Variants in SLC11A2 observed in about 807,000 individuals in gnomAD.
SLC11A2 encodes solute carrier family 11 member 2.
A neutral mutation model predicts 68.0 loss-of-function variants in SLC11A2; 38 were observed. That is an observed-to-expected ratio of 0.56 (90% CI 0.43 to 0.73). SLC11A2 has a LOEUF of 0.73. Among genes scored for constraint, SLC11A2 ranks in the 30% least tolerant of loss-of-function variants. The pLI is 0.00. For synonymous variants in SLC11A2, 242 were observed against 250.6 expected (o/e 0.97, Z 0.32); for missense variants, 517 against 690.5 (o/e 0.75, Z 2.82).
At position 50,986,015 on chromosome 12, in the gene SLC11A2, A is replaced by T; in HGVS notation, c.*2310T>A. ...AATTGGAAAAAGAAATTTTTTTTTA[A>T]TTAGAAACCAAGTTTACATACGGTT... is the stretch of plus-strand genomic sequence containing the variant. On this transcript the variant is annotated 3_prime_UTR_variant, in exon 16 of 16. Coordinates refer to ENST00000262052, the MANE Select transcript of SLC11A2 (RefSeq NM_000617.3). The T allele has an allele frequency of 2.6e-6, 3 of 1,159,432 alleles. No homozygotes were observed. Among genetic ancestry groups the T allele is most frequent in the Non-Finnish European group, 3.2e-6 (3 of 926,064 alleles). The allele number at this position is 1,159,432 out of a possible 1,614,324, so 71.8% of individuals were successfully genotyped here.
chr12:50,973,745 A>C, the SLC11A2 span, among the ~76,000 whole-genome samples: 12 of 152,248 alleles, frequency 7.9e-5, no homozygotes, highest in Admixed American at 6.5e-5. Context: ...CCTTGAAAAA[A>C]GATTAGACGA....
chr12:50,985,987 C>A, downstream of SLC11A2: 1 of 1,144,372 alleles, frequency 8.7e-7, no homozygotes, highest in Non-Finnish European at 1.1e-6. Context: ...ACCCAGGAAA[C>A]CAAATTGGAA....
chr12:51,028,664 G>T (rs1944472472), upstream of SLC11A2: 1 of 161,624 alleles, frequency 6.2e-6, no homozygotes, highest in African/African-American at 2.4e-5. Context: ...GAGACGTGAG[G>T]TGAAACCATT....
At chr12:50,993,728 T>C (rs796165753) in intron 11 of SLC11A2, among the ~76,000 whole-genome samples, 15 of 151,808 alleles carry the variant, frequency 9.9e-5, no homozygotes, top group African/African-American at 3.4e-4. Flanking sequence ...CTTGGGAGGC[T>C]GAGGCAGGAG....
Position 50,987,966 on chromosome 12 carries a change from A to G in SLC11A2, c.*359T>C. ...CTGTAGTTTGTATAATAAAAAATGT[A>G]TTGCATTTTCCAATTTTTTTTTAAC... On this transcript the variant is annotated 3_prime_UTR_variant, in exon 16 of 16. Transcript: ENST00000262052. 11 of 1,293,798 alleles carry G rather than the reference A, an allele frequency of 8.5e-6. No individual in the cohort carries two copies. Among genetic ancestry groups the G allele is most frequent in the Non-Finnish European group, 1.1e-5 (11 of 992,780 alleles). 80.1% of individuals were successfully genotyped at this position (1,293,798 alleles called of 1,614,324 possible).
Position 50,986,552 on chromosome 12 carries a change from C to T in SLC11A2, c.*1773G>A. ...AGACCCAGGGCAAAGATACATGTTA[C>T]CATATCATCTTTATAAAGAATTTTT... On this transcript the variant is annotated 3_prime_UTR_variant, in exon 16 of 16. Coordinates refer to ENST00000262052, the MANE Select transcript of SLC11A2 (RefSeq NM_000617.3). The T allele has an allele frequency of 7.8e-7, 1 of 1,286,996 alleles. No individual in the cohort carries two copies. Among genetic ancestry groups the T allele is most frequent in the South Asian group, 1.2e-5 (1 of 80,886 alleles). The allele number at this position is 1,286,996 out of a possible 1,614,324, so 79.7% of individuals were successfully genotyped here. A position where few individuals can be genotyped will look rare whatever the true frequency, so the allele number is the denominator to read the frequency against.
intron 1 of SLC11A2, among the ~76,000 whole-genome samples, chr12:51,022,438 CAAAAA>C (rs147670584): frequency 8.5e-6 from 1 of 118,270 alleles, no homozygotes. Context: ...TACTTTTTTC[CAAAAA>C]AAAAAAAAAA....
downstream of SLC11A2, chr12:50,981,822 A>G (rs1442355798): frequency 9.0e-6 from 13 of 1,451,380 alleles, no homozygotes; most frequent in African/African-American, 1.4e-5. Context: ...AAAAAGATGG[A>G]AGAGGGTTAG....
chr12:51,007,493 C>T (rs1330933723), intron 3 of SLC11A2, among the ~76,000 whole-genome samples: 2 of 151,972 alleles, frequency 1.3e-5, no homozygotes, highest in Non-Finnish European at 2.9e-5. Context: ...CACCACTACG[C>T]CCAGCTAACT....
chr12:51,000,731 T>G, intron 5 of SLC11A2: 1 of 586,314 alleles, frequency 1.7e-6, no homozygotes, highest in East Asian at 2.8e-5. Flanking sequence ...TCCACTTAAT[T>G]TCCTAAAAAC....
intron 1 of SLC11A2, among the ~76,000 whole-genome samples, chr12:51,019,950 A>G (rs1044305527): frequency 3.9e-5 from 6 of 152,082 alleles, no homozygotes; most frequent in African/African-American, 1.4e-4. Flanking sequence ...CAGCCCAATT[A>G]GTTCTAAAAC....
At chr12:50,954,180 T>A in the SLC11A2 span, 1 of 787,822 alleles carries the variant, frequency 1.3e-6, no homozygotes, top group Non-Finnish European at 2.1e-6. Flanking sequence ...ATGTTTCTTA[T>A]AATTGAATTT....
the SLC11A2 span, among the ~76,000 whole-genome samples, chr12:50,960,220 A>G: frequency 1.3e-5 from 2 of 152,106 alleles, no homozygotes; most frequent in African/African-American, 4.8e-5. Flanking sequence ...ATCTCTCACT[A>G]AAGTTTATTG....
At chr12:50,977,887 G>A (rs1367415244), downstream of SLC11A2, among the ~76,000 whole-genome samples, 2 of 152,262 alleles carry the variant, frequency 1.3e-5, no homozygotes, top group East Asian at 3.9e-4. Context: ...ACAGACACAT[G>A]AAAAAATGCT....
chr12:50,989,368 G>GT (rs1261734919), intron 15 of SLC11A2, among the ~76,000 whole-genome samples: 15 of 152,176 alleles, frequency 9.9e-5, no homozygotes, highest in African/African-American at 3.1e-4. Flanking sequence ...GCACATGGCT[G>GT]TAGTCCCAAC....
intron 1 of SLC11A2, among the ~76,000 whole-genome samples, chr12:51,023,452 T>C (rs111231132): frequency 0.019 from 2,837 of 152,076 alleles, 77 homozygotes; most frequent in African/African-American, 0.065. Flanking sequence ...GTCTCAAAAA[T>C]ATAAAAATAA....
Position 50,987,936 on chromosome 12 carries a change from T to A in SLC11A2, c.*389A>T. The A allele has an allele frequency of 1.6e-6, 2 of 1,280,630 alleles. No individual in the cohort carries two copies. Among genetic ancestry groups the A allele is most frequent in the Non-Finnish European group, 2.0e-6 (2 of 984,224 alleles). 79.3% of individuals were successfully genotyped at this position (1,280,630 alleles called of 1,614,324 possible). On this transcript the variant is annotated 3_prime_UTR_variant, in exon 16 of 16. Transcript: ENST00000262052. ...ATTTTGATAAATAAAACTTGCATAC[T>A]CATTCTGTAGTTTGTATAATAAAAA... is the stretch of plus-strand genomic sequence containing the variant.
upstream of SLC11A2, chr12:51,028,288 G>A (rs755902198): frequency 1.3e-5 from 17 of 1,314,342 alleles, no homozygotes; most frequent in Admixed American, 1.8e-4. Flanking sequence ...AGACAAGTGC[G>A]CCTCCCTCAG....
At chr12:50,994,447 G>C (rs1592334136) in intron 11 of SLC11A2, 97 bp downstream of exon 11, 1 of 796,686 alleles carries the variant, frequency 1.3e-6, no homozygotes, top group Non-Finnish European at 2.3e-6. Context: ...CTCCAGAGGA[G>C]ATATGCTCAT....
Sources: gnomAD v4.1 joint callset for allele counts (sites outside exome capture counted in the v4.1 genomes callset) on GRCh38, gnomAD v4.1.1 for gene constraint, MANE v1.5 for transcripts, NCBI Gene and HGNC (gene_info 2026-07-23, HGNC 2026-07-21) for gene names.